Variants in MAML3 observed in about 807,000 individuals in gnomAD.
The protein encoded by MAML3 is mastermind-like protein 3.
A neutral mutation model predicts 101.9 loss-of-function variants in MAML3; 27 were observed. The ratio of observed to expected loss-of-function variants is 0.27; its 90% CI spans 0.20 to 0.37. MAML3 has a LOEUF of 0.37. MAML3 is among the 10% of genes least tolerant of loss of function. The probability of loss-of-function intolerance (pLI) is 1.00; values close to 1 mark genes in which losing one functional copy is unlikely to be tolerated. For synonymous variants in MAML3, 501 were observed against 555.9 expected, an observed-to-expected ratio of 0.90 and a Z score of 1.39; for missense variants, 1,316 against 1,444.9, an observed-to-expected ratio of 0.91 and a Z score of 1.45.
chr4:139,959,927 A>G (rs1187391776), intron 1 of MAML3, among the ~76,000 whole-genome samples: 2 of 152,196 alleles, frequency 1.3e-5, no homozygotes, highest in Non-Finnish European at 2.9e-5. Context: ...TTAAAAAACT[A>G]TTCACTAGGA....
intron 1 of MAML3, among the ~76,000 whole-genome samples, chr4:139,921,505 G>A (rs1031701403): frequency 2.0e-5 from 3 of 152,146 alleles, no homozygotes; most frequent in Admixed American, 1.3e-4. Context: ...GAGGGGGGCT[G>A]CTGCTTCCCA....
intron 2 of MAML3, among the ~76,000 whole-genome samples, chr4:139,812,864 C>G (rs537700788): frequency 1.3e-5 from 2 of 151,198 alleles, no homozygotes; most frequent in African/African-American, 2.4e-5. Flanking sequence ...TTAAGGAAAG[C>G]CTCTAATATA....
At chr4:140,040,376 T>G (rs985751472) in intron 1 of MAML3, among the ~76,000 whole-genome samples, 1 of 152,186 alleles carries the variant, frequency 6.6e-6, no homozygotes, top group Non-Finnish European at 1.5e-5. Context: ...ACTCATCAAG[T>G]GCAGTCTTCA....
intron 1 of MAML3, among the ~76,000 whole-genome samples, chr4:140,089,985 T>A (rs1728016774): frequency 6.6e-6 from 1 of 152,168 alleles, no homozygotes; most frequent in Admixed American, 6.5e-5. Flanking sequence ...CCAAAAAGAG[T>A]ACATTTTACT....
chr4:139,886,985 A>C (rs4863700), intron 2 of MAML3, among the ~76,000 whole-genome samples: 48,987 of 152,120 alleles, frequency 0.32, 8,311 homozygotes, highest in East Asian at 0.58. Flanking sequence ...GTCATTCATT[A>C]AAACGAAATG....
At chr4:140,151,693 G>T (rs960489907) in intron 1 of MAML3, among the ~76,000 whole-genome samples, 1 of 148,382 alleles carries the variant, frequency 6.7e-6, no homozygotes, top group Non-Finnish European at 1.5e-5. Context: ...CGCGGTGCGG[G>T]GGGGGGGGGC....
chr4:139,776,643 C>A (rs751595613), intron 2 of MAML3, among the ~76,000 whole-genome samples: 1 of 152,104 alleles, frequency 6.6e-6, no homozygotes, highest in Non-Finnish European at 1.5e-5. Context: ...AGCAGATACG[C>A]GCAAAATGGT....
intron 1 of MAML3, among the ~76,000 whole-genome samples, chr4:140,045,040 G>A (rs576670975): frequency 6.6e-6 from 1 of 152,286 alleles, no homozygotes; most frequent in South Asian, 2.1e-4. Context: ...GAGAGAAAGA[G>A]ATAAGCCTTG....
intron 1 of MAML3, among the ~76,000 whole-genome samples, chr4:139,982,139 G>A (rs965674487): frequency 9.9e-5 from 15 of 152,178 alleles, no homozygotes; most frequent in African/African-American, 2.7e-4. Context: ...TGATAGATTT[G>A]TCTTCTTCCA....
chr4:140,035,365 T>G (rs764465213), intron 1 of MAML3, among the ~76,000 whole-genome samples: 2 of 152,174 alleles, frequency 1.3e-5, no homozygotes, highest in African/African-American at 4.8e-5. Context: ...AAATCAGATA[T>G]CTGAACACAG....
At chr4:139,992,428 T>C (rs969267714) in intron 1 of MAML3, among the ~76,000 whole-genome samples, 1 of 152,230 alleles carries the variant, frequency 6.6e-6, no homozygotes, top group Non-Finnish European at 1.5e-5. Context: ...GTTGTCACTT[T>C]TTTTTCCCAA....
intron 2 of MAML3, among the ~76,000 whole-genome samples, chr4:139,778,855 C>A (rs1426695053): frequency 6.6e-6 from 1 of 151,908 alleles, no homozygotes; most frequent in African/African-American, 2.4e-5. Flanking sequence ...TGGTGGCAGG[C>A]ACCTGTAGTC....
intron 2 of MAML3, among the ~76,000 whole-genome samples, chr4:139,767,237 C>T (rs1459019384): frequency 6.6e-6 from 1 of 152,180 alleles, no homozygotes; most frequent in Non-Finnish European, 1.5e-5. Context: ...TTGGTGGCAC[C>T]AAGGGACATG....
intron 1 of MAML3, among the ~76,000 whole-genome samples, chr4:140,025,169 T>C (rs1726799896): frequency 6.6e-6 from 1 of 152,208 alleles, no homozygotes; most frequent in Non-Finnish European, 1.5e-5. Flanking sequence ...AAGGCTGTTT[T>C]GGGACAATTG....
At chr4:139,788,889 C>T (rs1730354835) in intron 2 of MAML3, among the ~76,000 whole-genome samples, 1 of 152,166 alleles carries the variant, frequency 6.6e-6, no homozygotes, top group East Asian at 1.9e-4. Context: ...CTTTGTGGAG[C>T]TGCCAGAGTA....
chr4:139,904,938 G>A (rs886674344), intron 1 of MAML3, among the ~76,000 whole-genome samples: 3 of 152,202 alleles, frequency 2.0e-5, no homozygotes, highest in African/African-American at 4.8e-5. Context: ...TGAAAAATGT[G>A]GCGTTACAAT....
chr4:139,795,625 C>T (rs976560822), intron 2 of MAML3, among the ~76,000 whole-genome samples: 2 of 152,170 alleles, frequency 1.3e-5, no homozygotes, highest in South Asian at 4.1e-4. Flanking sequence ...ATTCTTTTCT[C>T]CATAACACTG....
intron 1 of MAML3, among the ~76,000 whole-genome samples, chr4:139,993,463 T>C (rs1348519824): frequency 3.2e-5 from 2 of 61,742 alleles, no homozygotes; most frequent in Non-Finnish European, 7.4e-5. Flanking sequence ...TCTCCCAGTA[T>C]GGTTCTTTTC....
intron 1 of MAML3, among the ~76,000 whole-genome samples, chr4:139,978,139 G>C (rs916046130): frequency 6.6e-6 from 1 of 152,092 alleles, no homozygotes; most frequent in South Asian, 2.1e-4. Flanking sequence ...TCAGGTCTGT[G>C]CTCCTTCTCC....
Sources: allele counts gnomAD v4.1 joint callset (sites outside exome capture counted in the v4.1 genomes callset), GRCh38; gene constraint gnomAD v4.1.1; transcripts MANE v1.5; gene names NCBI Gene and HGNC (gene_info 2026-07-23, HGNC 2026-07-21).